Variants in WDPCP observed in about 807,000 individuals in gnomAD.
The protein encoded by WDPCP is WD repeat-containing and planar cell polarity effector protein fritz homolog.
In WDPCP, 71 loss-of-function variants were observed where a neutral mutation model predicts 93.1. The ratio of observed to expected loss-of-function variants is 0.76; its 90% CI spans 0.63 to 0.93. The LOEUF is 0.93. Ranked by LOEUF, WDPCP falls within the 40% of genes least tolerant of loss-of-function variation. WDPCP has a pLI of 0.00. For synonymous variants in WDPCP, 315 were observed against 315.0 expected (o/e 1.00, Z 0.00); for missense variants, 844 against 887.4 (o/e 0.95, Z 0.62).
At chr2:63,193,131 T>G (rs1236740539) in intron 14 of WDPCP, among the ~76,000 whole-genome samples, 1 of 152,212 alleles carries the variant, frequency 6.6e-6, no homozygotes, top group Admixed American at 6.5e-5. Flanking sequence ...CTACAAAGCC[T>G]TTTAAGTTAA....
chr2:63,438,724 A>G (rs940628128), intron 7 of WDPCP, among the ~76,000 whole-genome samples: 3 of 152,070 alleles, frequency 2.0e-5, no homozygotes, highest in Admixed American at 6.6e-5. Flanking sequence ...CTTTTCTTCA[A>G]GATGATGTGA....
At chr2:63,401,578 G>C (rs1694156117) in intron 10 of WDPCP, among the ~76,000 whole-genome samples, 1 of 152,126 alleles carries the variant, frequency 6.6e-6, no homozygotes, top group Non-Finnish European at 1.5e-5. Context: ...TTTGAGACCA[G>C]CTCAAGACCA....
At chr2:63,638,618 T>C (rs977459981) in intron 3 of WDPCP, among the ~76,000 whole-genome samples, 7 of 152,014 alleles carry the variant, frequency 4.6e-5, no homozygotes, top group Non-Finnish European at 1.0e-4. Flanking sequence ...AGTGAGACTC[T>C]GTCTCTATAA....
chr2:63,263,915 ATAACTATGCAATGTT>A (rs1278743276), intron 13 of WDPCP, among the ~76,000 whole-genome samples: 10 of 152,226 alleles, frequency 6.6e-5, no homozygotes, highest in African/African-American at 2.4e-4. Context: ...CATTCTGCAA[ATAACTATGCAATGTT>A]TACTATGTGC....
intron 3 of WDPCP, among the ~76,000 whole-genome samples, chr2:63,630,208 G>T (rs1316012352): frequency 2.6e-5 from 4 of 151,764 alleles, no homozygotes; most frequent in African/African-American, 9.7e-5. Context: ...AAGAATTAAG[G>T]AAAAATAAAA....
chr2:63,484,830 T>C (rs760334328), intron 5 of WDPCP, 87 bp downstream of exon 5: 41 of 1,517,484 alleles, frequency 2.7e-5, no homozygotes, highest in Non-Finnish European at 3.4e-5. Flanking sequence ...ACCATGAGAG[T>C]TGATCCTTTA....
At chr2:63,295,262 T>TA (rs1684756933) in intron 13 of WDPCP, among the ~76,000 whole-genome samples, 1 of 151,514 alleles carries the variant, frequency 6.6e-6, no homozygotes, top group African/African-American at 2.4e-5. Flanking sequence ...CTGTATGGTA[T>TA]AAAAAACGAC....
At chr2:63,573,529 T>C (rs1309706222) in intron 1 of WDPCP, among the ~76,000 whole-genome samples, 1 of 152,220 alleles carries the variant, frequency 6.6e-6, no homozygotes, top group East Asian at 1.9e-4. Context: ...CTATGCCCGT[T>C]TTTACTTTAA....
At chr2:63,456,815 C>T (rs1245080429) in intron 6 of WDPCP, among the ~76,000 whole-genome samples, 1 of 152,092 alleles carries the variant, frequency 6.6e-6, no homozygotes, top group African/African-American at 2.4e-5. Flanking sequence ...CCTTTAAGCC[C>T]AGCCTGGGCA....
intron 2 of WDPCP, among the ~76,000 whole-genome samples, chr2:63,785,963 A>G (rs1400635144): frequency 6.6e-5 from 10 of 152,210 alleles, no homozygotes; most frequent in Admixed American, 6.6e-4. Context: ...GACATGGCTC[A>G]GCTAAACTTT....
At chr2:63,716,161 G>GTCCCA (rs1669334501) in intron 2 of WDPCP, among the ~76,000 whole-genome samples, 2 of 152,188 alleles carry the variant, frequency 1.3e-5, no homozygotes, top group Non-Finnish European at 2.9e-5. Flanking sequence ...GAGCTCTGAA[G>GTCCCA]GGACAGTCCA....
chr2:63,389,810 T>C (rs1052813343), intron 10 of WDPCP, among the ~76,000 whole-genome samples: 1 of 152,124 alleles, frequency 6.6e-6, no homozygotes, highest in African/African-American at 2.4e-5. Flanking sequence ...GGCCATTACA[T>C]AATGGTAAAG....
At chr2:63,415,104 A>G (rs1468698080) in intron 9 of WDPCP, among the ~76,000 whole-genome samples, 1 of 152,216 alleles carries the variant, frequency 6.6e-6, no homozygotes, top group East Asian at 1.9e-4. Flanking sequence ...ATACTTTAGT[A>G]TAATCCCAGT....
intron 1 of WDPCP, among the ~76,000 whole-genome samples, chr2:63,505,430 T>C (rs1701810673): frequency 6.6e-6 from 1 of 152,022 alleles, no homozygotes; most frequent in African/African-American, 2.4e-5. Context: ...CAGCTTAAAA[T>C]GTTAATTCCC....
intron 1 of WDPCP, among the ~76,000 whole-genome samples, chr2:63,586,933 G>C (rs1490992111): frequency 6.6e-6 from 1 of 152,190 alleles, no homozygotes. Context: ...GTGCAAGTTT[G>C]TTACATATGT....
At chr2:63,149,214 A>G (rs1381828936) in intron 17 of WDPCP, among the ~76,000 whole-genome samples, 2 of 152,214 alleles carry the variant, frequency 1.3e-5, no homozygotes, top group African/African-American at 2.4e-5. Flanking sequence ...AAACATAGGA[A>G]TAGGCATTTC....
chr2:63,542,859 C>T (rs1272395752), intron 1 of WDPCP, among the ~76,000 whole-genome samples: 2 of 152,118 alleles, frequency 1.3e-5, no homozygotes, highest in African/African-American at 4.8e-5. Context: ...CACCTCTTCC[C>T]TTCAAACCTC....
At chr2:63,789,359 A>G (rs1670512577) in intron 2 of WDPCP, among the ~76,000 whole-genome samples, 1 of 152,114 alleles carries the variant, frequency 6.6e-6, no homozygotes, top group Admixed American at 6.5e-5. Context: ...AGGCCACACA[A>G]AACCTGGGTC....
At chr2:63,238,002 T>TAAA (rs767082151) in intron 14 of WDPCP, among the ~76,000 whole-genome samples, 2 of 140,346 alleles carry the variant, frequency 1.4e-5, no homozygotes, top group Non-Finnish European at 1.5e-5. Context: ...AAATATTTTC[T>TAAA]AAAAAAAAAA....
Sources: gnomAD v4.1 joint callset for allele counts (sites outside exome capture counted in the v4.1 genomes callset) on GRCh38, gnomAD v4.1.1 for gene constraint, MANE v1.5 for transcripts, NCBI Gene and HGNC (gene_info 2026-07-23, HGNC 2026-07-21) for gene names.